The following DCAF6 variants were observed in gnomAD, a reference collection of about 807,000 sequenced individuals.
DCAF6 encodes DDB1- and CUL4-associated factor 6.
Under a neutral mutation model 125.1 loss-of-function variants are expected in DCAF6, and 54 were observed. The observed-to-expected ratio is 0.43, with a 90% CI of 0.35 to 0.54. The LOEUF is 0.54. Among genes scored for constraint, DCAF6 ranks in the 20% least tolerant of loss-of-function variants. DCAF6 has a pLI of 0.01. For missense variants in DCAF6, 934 were observed against 1,161.7 expected, an observed-to-expected ratio of 0.80 and a Z score of 2.85; for synonymous variants, 371 against 390.4, an observed-to-expected ratio of 0.95 and a Z score of 0.58.
chr1:167,896,059 T>C, the DCAF6 span, among the ~76,000 whole-genome samples: 1 of 151,822 alleles, frequency 6.6e-6, no homozygotes, highest in Non-Finnish European at 1.5e-5. Flanking sequence ...TGAGAAGAGG[T>C]CACCTGGTTT....
the DCAF6 span, among the ~76,000 whole-genome samples, chr1:167,892,780 C>T: frequency 3.9e-5 from 6 of 152,178 alleles, no homozygotes; most frequent in East Asian, 1.2e-3. Flanking sequence ...CTCCAGGACA[C>T]AACAGCATTT....
chr1:168,056,551 T>A, intron 17 of DCAF6: 2 of 414,878 alleles, frequency 4.8e-6, no homozygotes, highest in Non-Finnish European at 7.6e-6. Flanking sequence ...ATGGAATAAT[T>A]TAATTACAGA....
chr1:167,969,494 A>G (rs1036861337), intron 3 of DCAF6, among the ~76,000 whole-genome samples: 4 of 152,210 alleles, frequency 2.6e-5, no homozygotes, highest in African/African-American at 7.2e-5. Context: ...CTGTTTTTAT[A>G]TCTGAAAACA....
intron 11 of DCAF6, among the ~76,000 whole-genome samples, chr1:168,021,455 A>G (rs1685659323): frequency 1.3e-5 from 2 of 152,174 alleles, no homozygotes; most frequent in South Asian, 4.1e-4. Flanking sequence ...TAAAAACAAC[A>G]TAGATGGTAG....
chr1:167,980,254 C>T (rs1045945458), intron 4 of DCAF6, among the ~76,000 whole-genome samples: 10 of 152,156 alleles, frequency 6.6e-5, no homozygotes, highest in Admixed American at 5.9e-4. Context: ...TACTCCTTGG[C>T]TATTGTGAAT....
At chr1:168,054,302 G>A (rs1466143702) in intron 17 of DCAF6, among the ~76,000 whole-genome samples, 1 of 152,166 alleles carries the variant, frequency 6.6e-6, no homozygotes, top group African/African-American at 2.4e-5. Context: ...ACTCTGCAGA[G>A]TCCCGAGCTG....
At chr1:167,888,364 G>C in the DCAF6 span, among the ~76,000 whole-genome samples, 1 of 151,936 alleles carries the variant, frequency 6.6e-6, no homozygotes. Flanking sequence ...AGATTGCTTT[G>C]GGTAGTATGA....
the DCAF6 span, among the ~76,000 whole-genome samples, chr1:167,907,202 G>C: frequency 3.3e-5 from 5 of 152,154 alleles, no homozygotes; most frequent in Admixed American, 3.3e-4. Flanking sequence ...ACCATAGATG[G>C]GCACATTCTC....
the DCAF6 span, among the ~76,000 whole-genome samples, chr1:167,864,804 A>C: frequency 6.6e-6 from 1 of 151,986 alleles, no homozygotes; most frequent in South Asian, 2.1e-4. Context: ...TCCCGAAAGC[A>C]CTGAGGCCTT....
At chr1:167,872,294 C>T in the DCAF6 span, among the ~76,000 whole-genome samples, 1 of 151,614 alleles carries the variant, frequency 6.6e-6, no homozygotes, top group South Asian at 2.1e-4. Flanking sequence ...GCCGAGATGG[C>T]GCCATTGCAC....
chr1:168,003,974 A>G lies in DCAF6; in HGVS notation c.1102A>G (p.Arg368Gly), dbSNP rs200694842. ...EVAQSNRGRG[R>G]SRPRGGTSQS... ...TGCACAAAGCAATAGAGGACGAGGA[A>G]GATCTCGACCCAGAGGTAATTTTTA... Residue 368 changes from arginine to glycine, a missense_variant, in exon 9 of 22, where the codon AGA becomes GGA. Around this residue, in one of 5 missense-constraint regions of DCAF6, gnomAD observed 559 missense variants for 635.5 expected, o/e 0.88. Transcript: ENST00000367840. 7.4e-6 allele frequency: 12 copies of G among 1,612,052 alleles called. No individual in the cohort carries two copies. Among genetic ancestry groups the G allele is most frequent in the African/African-American group, 2.7e-5 (2 of 74,848 alleles).
In DCAF6 at chr1:168,063,681, G is replaced by A. The variant is rs1404985537; in HGVS notation, c.2361G>A (p.Met787Ile). Reference sequence around the variant, plus strand: ...GACGGAGAAAAGAAAGGAAAGAAATGGAAGAATTGGATACTTTGAACATTA... The same window carrying A: ...GACGGAGAAAAGAAAGGAAAGAAATAGAAGAATTGGATACTTTGAACATTA... ...FFRRRKERKE[M>I]EELDTLNIRR... Residue 787 changes from methionine to isoleucine, a missense_variant, in exon 18 of 22, where the codon ATG becomes ATA. By Grantham distance (10) the Met-to-Ile change is conservative. Transcript: ENST00000367840. 6.2e-7 allele frequency: 1 copy of A among 1,602,808 alleles called. No individual in the cohort carries two copies. Among genetic ancestry groups the A allele is most frequent in the Admixed American group, 1.7e-5 (1 of 58,046 alleles).
the DCAF6 span, among the ~76,000 whole-genome samples, chr1:167,876,121 G>T: frequency 4.6e-5 from 7 of 152,180 alleles, no homozygotes; most frequent in South Asian, 1.5e-3. Context: ...GCTGGGCGTG[G>T]TGGCTTGCGC....
At chr1:167,946,195 A>C (rs907601343) in intron 1 of DCAF6, among the ~76,000 whole-genome samples, 3 of 152,114 alleles carry the variant, frequency 2.0e-5, no homozygotes, top group African/African-American at 7.2e-5. Flanking sequence ...ACCTCAGGTG[A>C]TCTGGCCACC....
chr1:167,931,477 A>G (rs941145192), upstream of DCAF6, among the ~76,000 whole-genome samples: 6 of 152,044 alleles, frequency 3.9e-5, no homozygotes, highest in African/African-American at 7.2e-5. Context: ...TTAACTTTAA[A>G]TAAGTTATTA....
At chr1:167,954,114 C>T (rs1033790305) in intron 2 of DCAF6, among the ~76,000 whole-genome samples, 1 of 152,062 alleles carries the variant, frequency 6.6e-6, no homozygotes, top group African/African-American at 2.4e-5. Flanking sequence ...TCAAGTGATT[C>T]TTGTGCCTCA....
intron 1 of DCAF6, 26 bp from the exon 2 acceptor site, chr1:167,951,774 T>A: frequency 4.9e-6 from 7 of 1,429,430 alleles, no homozygotes; most frequent in Non-Finnish European, 6.9e-6. Context: ...TGTGATTTAT[T>A]TAATTTGTTC....
chr1:167,959,127 C>T (rs1675204439), intron 2 of DCAF6, among the ~76,000 whole-genome samples: 1 of 152,194 alleles, frequency 6.6e-6, no homozygotes, highest in Non-Finnish European at 1.5e-5. Flanking sequence ...TAATTGGAAT[C>T]ACATAGTATG....
chr1:167,968,315 C>G (rs935207956), intron 3 of DCAF6, among the ~76,000 whole-genome samples: 11 of 152,240 alleles, frequency 7.2e-5, no homozygotes, highest in African/African-American at 2.6e-4. Context: ...GCCACTAACC[C>G]TGGGACTGAG....
Sources: allele counts gnomAD v4.1 joint callset (sites outside exome capture counted in the v4.1 genomes callset), GRCh38; gene constraint gnomAD v4.1.1; regional missense constraint gnomAD v4.1.1; transcripts MANE v1.5; gene names NCBI Gene and HGNC (gene_info 2026-07-23, HGNC 2026-07-21).